FHOD3: variants seen among roughly 807,000 people sequenced by gnomAD.
FHOD3 encodes FH1/FH2 domain-containing protein 3.
FHOD3 carries 90 observed loss-of-function variants against 173.0 expected under a neutral mutation model. That is an observed-to-expected ratio of 0.52 (90% CI 0.44 to 0.62). The LOEUF is 0.62. Among genes scored for constraint, FHOD3 ranks in the 20% least tolerant of loss-of-function variants. FHOD3 has a pLI of 0.00. For synonymous variants in FHOD3, 828 were observed against 823.0 expected (o/e 1.01, Z -0.10); for missense variants, 1,945 against 2,034.7 (o/e 0.96, Z 0.85).
chr18:36,460,926 G>C (rs2052511293), intron 3 of FHOD3, among the ~76,000 whole-genome samples: 1 of 152,156 alleles, frequency 6.6e-6, no homozygotes, highest in South Asian at 2.1e-4. Flanking sequence ...GGAACCCAAG[G>C]TGCTGATGCT....
chr18:36,546,516 T>C (rs1257231684), intron 5 of FHOD3, among the ~76,000 whole-genome samples: 2 of 152,192 alleles, frequency 1.3e-5, no homozygotes, highest in Admixed American at 1.3e-4. Context: ...TGTTAATCTT[T>C]TGTTTTCTTC....
intron 3 of FHOD3, among the ~76,000 whole-genome samples, chr18:36,413,378 T>TA (rs1568238253): frequency 6.6e-6 from 1 of 152,138 alleles, no homozygotes; most frequent in Admixed American, 6.5e-5. Context: ...TTTCCTCTAG[T>TA]AAAAAAGTTG....
chr18:36,459,024 T>G (rs775566853), intron 3 of FHOD3, among the ~76,000 whole-genome samples: 2 of 152,198 alleles, frequency 1.3e-5, no homozygotes, highest in Non-Finnish European at 2.9e-5. Flanking sequence ...GCCTGGAGTT[T>G]AGTGAAAGTC....
intron 5 of FHOD3, among the ~76,000 whole-genome samples, chr18:36,574,791 G>T (rs2058585127): frequency 6.6e-6 from 1 of 151,876 alleles, no homozygotes; most frequent in South Asian, 2.1e-4. Context: ...AATTATTTCT[G>T]ATTAGTAGGA....
Position 36,693,350 on chromosome 18 carries a change from C to G in FHOD3, c.2163C>G (p.Ser721Arg), listed in dbSNP as rs766481778. The change falls in exon 17 of 29, where the codon AGC (serine) becomes AGG (arginine). Residue 721 changes from serine (S) to arginine (R), a missense_variant. Transcript: ENST00000590592. ...CCTGCCTGGCTCCTCTGAGCCATAGCCCCTCATCTTCAGACTCTCAAGAGG... is the reference window on the plus strand; with the variant it reads ...CCTGCCTGGCTCCTCTGAGCCATAGGCCCTCATCTTCAGACTCTCAAGAGG... ...APACLAPLSH[S>R]PSSSDSQEAL... The G allele has an allele frequency of 9.8e-5, 158 of 1,613,964 alleles. No individual in the cohort carries two copies. Among genetic ancestry groups the G allele is most frequent in the Non-Finnish European group, 1.3e-4 (149 of 1,179,870 alleles).
chr18:36,385,555 C>A (rs1002018046), intron 3 of FHOD3, among the ~76,000 whole-genome samples: 2 of 152,126 alleles, frequency 1.3e-5, no homozygotes, highest in Non-Finnish European at 2.9e-5. Context: ...CACCACCATG[C>A]CTGGCTAATT....
intron 18 of FHOD3, among the ~76,000 whole-genome samples, chr18:36,715,544 CTTCA>C (rs574681269): frequency 2.6e-5 from 4 of 152,096 alleles, no homozygotes; most frequent in East Asian, 3.9e-4. Context: ...CTGATCATTC[CTTCA>C]TTCATTCATT....
intron 14 of FHOD3, among the ~76,000 whole-genome samples, chr18:36,679,829 T>C (rs1246692310): frequency 6.6e-6 from 1 of 152,196 alleles, no homozygotes; most frequent in Non-Finnish European, 1.5e-5. Flanking sequence ...AGTCCTTATA[T>C]ATTTGAAAGA....
intron 8 of FHOD3, among the ~76,000 whole-genome samples, chr18:36,605,207 C>T (rs1281689161): frequency 6.6e-6 from 1 of 152,168 alleles, no homozygotes; most frequent in Non-Finnish European, 1.5e-5. Context: ...TAGTCACTGC[C>T]ATTGTTTTGG....
intron 23 of FHOD3, 116 bp from the exon 24 acceptor site, chr18:36,746,829 T>G (rs1452117290): frequency 5.7e-6 from 4 of 695,708 alleles, no homozygotes; most frequent in Non-Finnish European, 9.4e-6. Context: ...ATGTTTGCAT[T>G]TCAAAATGTG....
chr18:36,426,518 G>A (rs1257301133), intron 3 of FHOD3, among the ~76,000 whole-genome samples: 1 of 152,154 alleles, frequency 6.6e-6, no homozygotes, highest in Non-Finnish European at 1.5e-5. Context: ...AGGAATTGTG[G>A]GGACTGGGGG....
In FHOD3 at chr18:36,672,271, C is replaced by T. The variant is rs910332271; in HGVS notation, c.1836-9165C>T. ...TCCTGTTTCAGTCAGCTTTTAACTA[C>T]ATAAGAAACCACCAAAACATGGTGG... On this transcript the variant is annotated intron_variant, in intron 14 of 28. Transcript: ENST00000590592. Among the ~76,000 whole-genome samples, 4 of 152,274 alleles carry T rather than the reference C, an allele frequency of 2.6e-5. 1 individual carries two copies. Among genetic ancestry groups the T allele is most frequent in the African/African-American group, 9.6e-5 (4 of 41,544 alleles).
chr18:36,298,101 T>C, intron 1 of FHOD3, 101 bp downstream of exon 1: 8 of 1,116,680 alleles, frequency 7.2e-6, no homozygotes, highest in Non-Finnish European at 8.3e-6. Flanking sequence ...TGGGCTGGGC[T>C]GGGCGCGGCC....
chr18:36,722,331 C>G (rs559138081), intron 19 of FHOD3, among the ~76,000 whole-genome samples: 1 of 152,232 alleles, frequency 6.6e-6, no homozygotes, highest in South Asian at 2.1e-4. Context: ...TTGTACCTAA[C>G]CAGGGGCAGC....
At chr18:36,777,453 A>G (rs2043757905) in intron 28 of FHOD3, among the ~76,000 whole-genome samples, 1 of 152,048 alleles carries the variant, frequency 6.6e-6, no homozygotes, top group South Asian at 2.1e-4. Context: ...TCAGCCTCCC[A>G]AAGTGCTGGG....
intron 20 of FHOD3, among the ~76,000 whole-genome samples, chr18:36,733,793 C>G (rs2041492593): frequency 6.6e-6 from 1 of 152,288 alleles, no homozygotes; most frequent in Non-Finnish European, 1.5e-5. Flanking sequence ...AGGCGCCTGC[C>G]ACAGATTCTC....
intron 20 of FHOD3, among the ~76,000 whole-genome samples, chr18:36,740,307 A>C (rs1034563744): frequency 3.3e-5 from 5 of 152,194 alleles, no homozygotes; most frequent in African/African-American, 1.2e-4. Flanking sequence ...AAAATGATTC[A>C]TTTTTATAAG....
intron 19 of FHOD3, 58 bp downstream of exon 19, chr18:36,718,773 C>T (rs1047442909): frequency 2.4e-5 from 37 of 1,548,454 alleles, no homozygotes; most frequent in Admixed American, 1.0e-4. Flanking sequence ...TGAAGAGATT[C>T]GTTCTGTATA....
intron 3 of FHOD3, among the ~76,000 whole-genome samples, chr18:36,408,990 G>A (rs996834317): frequency 4.6e-5 from 7 of 152,172 alleles, no homozygotes; most frequent in Admixed American, 3.9e-4. Context: ...CTGCTGGGGA[G>A]CTGGGTCTGA....
Sources: allele counts gnomAD v4.1 joint callset (sites outside exome capture counted in the v4.1 genomes callset), GRCh38; gene constraint gnomAD v4.1.1; transcripts MANE v1.5; gene names NCBI Gene and HGNC (gene_info 2026-07-23, HGNC 2026-07-21).